The following DUSP18 variants were observed in gnomAD, a reference collection of about 807,000 sequenced individuals.
DUSP18 encodes dual specificity protein phosphatase 18.
Under a neutral mutation model 6.3 loss-of-function variants are expected in DUSP18, and 4 were observed. That is an observed-to-expected ratio of 0.63 (90% CI 0.31 to 1.45). The LOEUF (loss-of-function observed/expected upper bound fraction) is 1.45. DUSP18 is among the 40% of genes most tolerant of loss of function. The pLI is 0.07. For synonymous variants in DUSP18, 96 were observed against 95.1 expected (o/e 1.01, Z -0.05); for missense variants, 235 against 247.7 (o/e 0.95, Z 0.34).
intron 2 of DUSP18, among the ~76,000 whole-genome samples, chr22:30,653,539 T>C (rs2088269067): frequency 6.6e-6 from 1 of 151,980 alleles, no homozygotes; most frequent in Admixed American, 6.6e-5. Context: ...GCCCGGCTAA[T>C]TTTTTTGTAT....
intron 2 of DUSP18, chr22:30,654,337 T>G (rs553634791): frequency 6.9e-5 from 32 of 463,614 alleles, no homozygotes; most frequent in Non-Finnish European, 1.2e-4. Context: ...CTCCTTCCTC[T>G]TCTCCTCCAG....
chr22:30,663,302 C>A lies in DUSP18; in HGVS notation c.*135G>T. 1.2e-6 allele frequency: 1 copy of A among 852,502 alleles called. No homozygotes were observed. Among genetic ancestry groups the A allele is most frequent in the East Asian group, 2.6e-5 (1 of 38,330 alleles). 52.8% of individuals were successfully genotyped at this position (852,502 alleles called of 1,614,324 possible). A position where few individuals can be genotyped will look rare whatever the true frequency, so the allele number is the denominator to read the frequency against. On this transcript the variant is annotated 3_prime_UTR_variant, in exon 2 of 2. Transcript: ENST00000334679. The stretch of plus-strand genomic sequence containing the variant: ...TATAAAGTTAAAAGCTACAGCAACT[C>A]TTTTTTGTGCTCATAAAAGGCATCA...
Position 30,664,068 on chromosome 22 carries a change from T to C in DUSP18, c.-65A>G, listed in dbSNP as rs1170219338. ...AAGGCTGCGTCTTTCTGCTAGGCTG[T>C]GTCCATGGAAAACTGCAGAGAGGGA... is the stretch of plus-strand genomic sequence containing the variant. On this transcript the variant is annotated 5_prime_UTR_variant, in exon 2 of 2. Transcript: ENST00000334679. 2 of 1,465,778 alleles carry C rather than the reference T, an allele frequency of 1.4e-6. No homozygotes were observed. The highest frequency in any genetic ancestry group is 1.9e-6 in the Non-Finnish European group (2 of 1,079,182). The allele number at this position is 1,465,778 out of a possible 1,614,324, so 90.8% of individuals were successfully genotyped here.
downstream of DUSP18, among the ~76,000 whole-genome samples, chr22:30,658,915 C>G (rs1026123143): frequency 6.6e-6 from 1 of 151,924 alleles, no homozygotes; most frequent in African/African-American, 2.4e-5. Context: ...GAGGCTGAGG[C>G]GGGTGGATCA....
intron 1 of DUSP18, among the ~76,000 whole-genome samples, chr22:30,664,777 G>A (rs2088589866): frequency 6.6e-6 from 1 of 152,208 alleles, no homozygotes; most frequent in African/African-American, 2.4e-5. Context: ...TCTGAAGAAG[G>A]CCTGGGAAAG....
At chr22:30,654,205 CAATCTCCT>C (rs1226769156) in intron 2 of DUSP18, 1 of 309,290 alleles carries the variant, frequency 3.2e-6, no homozygotes, top group African/African-American at 2.2e-5. Context: ...AGGATGGTCT[CAATCTCCT>C]GACCTCCTGA....
chr22:30,659,539 A>G (rs553069085), downstream of DUSP18, among the ~76,000 whole-genome samples: 3 of 152,018 alleles, frequency 2.0e-5, no homozygotes, highest in African/African-American at 7.2e-5. Context: ...ACATCCAGCT[A>G]ATTTTTTGTA....
intron 2 of DUSP18, chr22:30,654,131 C>T: frequency 4.3e-6 from 1 of 231,910 alleles, no homozygotes; most frequent in Non-Finnish European, 8.5e-6. Flanking sequence ...GGGCGCCCGC[C>T]ACCACGCCCG....
chr22:30,659,123 CA>C (rs35939188), downstream of DUSP18, among the ~76,000 whole-genome samples: 707 of 104,632 alleles, frequency 6.8e-3, 2 homozygotes, highest in African/African-American at 0.012. Flanking sequence ...GACTCCATCT[CA>C]AAAAAAAAAA....
chr22:30,656,137 CT>C (rs371322594), intron 2 of DUSP18, among the ~76,000 whole-genome samples: 38 of 144,988 alleles, frequency 2.6e-4, no homozygotes, highest in East Asian at 4.0e-4. Context: ...CCATGCTGGG[CT>C]TTTTTTTTTT....
rs937367910 is a variant in DUSP18 at position 30,661,876 on chromosome 22, G to C, written c.*1561C>G. The C allele has an allele frequency of 6.6e-6, 1 of 152,106 alleles. No individual in the cohort carries two copies. Among genetic ancestry groups the C allele is most frequent in the South Asian group, 2.1e-4 (1 of 4,824 alleles). The allele number at this position is 152,106 out of a possible 1,614,324, so 9.4% of individuals were successfully genotyped here. On this transcript the variant is annotated 3_prime_UTR_variant, in exon 2 of 2. Coordinates refer to ENST00000334679, the MANE Select transcript of DUSP18 (RefSeq NM_152511.5). ...GGTTTTCATAGTGATTCTAAACAAGGCTGCAGTCACTGTTTAGAAGTGATT... is the reference window on the plus strand; with the variant it reads ...GGTTTTCATAGTGATTCTAAACAAGCCTGCAGTCACTGTTTAGAAGTGATT...
rs2088725400 is a variant in DUSP18, at chr22:30,667,608, CTCG to C, written c.-227_-225del. 6.6e-6 allele frequency: 1 copy of C among 152,658 alleles called. No individual in the cohort carries two copies. Among genetic ancestry groups the C allele is most frequent in the Admixed American group, 6.5e-5 (1 of 15,298 alleles). The allele number at this position is 152,658 out of a possible 1,614,324, so 9.5% of individuals were successfully genotyped here. A position where few individuals can be genotyped will look rare whatever the true frequency, so the allele number is the denominator to read the frequency against. The stretch of plus-strand genomic sequence containing the variant: ...ACGCTTTGGTTTCCATAGCAATGGG[CTCG>C]TCGCAGAAAGGAATAGCCTGTGCCG... On this transcript the variant is annotated 5_prime_UTR_variant, in exon 1 of 2. Transcript: ENST00000334679.
chr22:30,654,520 G>A (rs775535500), intron 2 of DUSP18: 86 of 428,926 alleles, frequency 2.0e-4, no homozygotes, highest in Non-Finnish European at 3.5e-4. Context: ...GGTCTTGGGC[G>A]GCCTGGCTTC....
In DUSP18 at chr22:30,664,043, A is replaced by C; in HGVS notation, c.-40T>G. On this transcript the variant is annotated 5_prime_UTR_variant, in exon 2 of 2. Coordinates refer to ENST00000334679, the MANE Select transcript of DUSP18 (RefSeq NM_152511.5). Reference sequence around the variant, plus strand: ...AGTGGTCAGCAGTCAGCGAAGCACGAAGGCTGCGTCTTTCTGCTAGGCTGT... The same window carrying C: ...AGTGGTCAGCAGTCAGCGAAGCACGCAGGCTGCGTCTTTCTGCTAGGCTGT... 6.4e-7 allele frequency: 1 copy of C among 1,552,198 alleles called. No homozygotes were observed. Among genetic ancestry groups the C allele is most frequent in the Non-Finnish European group, 8.8e-7 (1 of 1,138,880 alleles).
At chr22:30,653,151 G>A (rs1195825063) in intron 2 of DUSP18, among the ~76,000 whole-genome samples, 1 of 152,176 alleles carries the variant, frequency 6.6e-6, no homozygotes, top group Non-Finnish European at 1.5e-5. Flanking sequence ...GCTGGTGGCT[G>A]CCTTCTGTGC....
At chr22:30,666,646 A>AAAAAAAT (rs2088682028) in intron 1 of DUSP18, among the ~76,000 whole-genome samples, 1 of 142,340 alleles carries the variant, frequency 7.0e-6, no homozygotes, top group Non-Finnish European at 1.6e-5. Context: ...AAAAAAAAAA[A>AAAAAAAT]GCAATCTCTA....
At chr22:30,652,951 A>G (rs1163893926) in intron 2 of DUSP18, among the ~76,000 whole-genome samples, 6 of 152,220 alleles carry the variant, frequency 3.9e-5, no homozygotes, top group Admixed American at 1.3e-4. Flanking sequence ...GCTAGCTACC[A>G]TATCAGTGAA....
rs150392282 is a variant in DUSP18, at chr22:30,663,971, C to T, written c.33G>A (p.Gln11=). 1.2e-6 allele frequency: 2 copies of T among 1,614,122 alleles called. No individual in the cohort carries two copies. The highest frequency in any genetic ancestry group is 1.1e-5 in the South Asian group (1 of 91,074). The change falls in exon 2 of 2, where the codon CAG becomes CAA. Residue 11 remains glutamine, a synonymous_variant. Transcript: ENST00000334679. MTAPSCAFPV[Q]FRQPSVSGLS... is the part of the protein sequence containing the mutation. ...GGCCGCTGACTGAGGGCTGCCGGAA[C>T]TGAACTGGGAAGGCACACGAGGGTG...
intron 2 of DUSP18, chr22:30,653,970 CTGTTTTGTTTTTT>C (rs1164783767): frequency 1.2e-5 from 2 of 160,874 alleles, no homozygotes; most frequent in African/African-American, 5.1e-5. Flanking sequence ...GCCTCATTAG[CTGTTTTGTTTTTT>C]TGTTTTTTTT....
Sources: gnomAD v4.1 joint callset for allele counts (sites outside exome capture counted in the v4.1 genomes callset) on GRCh38, gnomAD v4.1.1 for gene constraint, MANE v1.5 for transcripts, NCBI Gene and HGNC (gene_info 2026-07-23, HGNC 2026-07-21) for gene names.